Variants in GCM2 observed in about 807,000 individuals in gnomAD.
GCM2 encodes chorion-specific transcription factor GCMb.
GCM2 carries 21 observed loss-of-function variants against 24.8 expected under a neutral mutation model. The observed-to-expected ratio is 0.85, with a 90% CI of 0.60 to 1.22. GCM2 has a LOEUF of 1.22. Ranked by LOEUF, GCM2 falls within the 50% of genes most tolerant of loss-of-function variation. The pLI is 0.00. For synonymous variants in GCM2, 222 were observed against 238.0 expected, an observed-to-expected ratio of 0.93 and a Z score of 0.62; for missense variants, 532 against 645.6, an observed-to-expected ratio of 0.82 and a Z score of 1.91.
In GCM2 at chr6:10,874,496, G is replaced by A. The variant is rs1305037975; in HGVS notation, c.1020C>T (p.Pro340=). ...QHGWKPALGK[P]SLVERTNHGQ... ...CATGGTTAGTCCTTTCCACAAGGCT[G>A]GGTTTTCCAAGAGCTGGTTTCCAGC... The change falls in exon 5 of 5, where the codon CCC becomes CCT. Residue 340 remains proline (P), a synonymous_variant. Coordinates refer to ENST00000379491, the MANE Select transcript of GCM2 (RefSeq NM_004752.4). The A allele has an allele frequency of 1.2e-6, 2 of 1,614,090 alleles. No homozygotes were observed. The highest frequency in any genetic ancestry group is 2.7e-5 in the African/African-American group (2 of 74,942).
chr6:10,879,622 T>C (rs186160238), intron 1 of GCM2, among the ~76,000 whole-genome samples: 46 of 152,266 alleles, frequency 3.0e-4, no homozygotes, highest in Non-Finnish European at 2.8e-4. Context: ...GTCAGACAGG[T>C]AGTTTAACTT....
intron 1 of GCM2, among the ~76,000 whole-genome samples, chr6:10,880,797 A>C (rs1350905459): frequency 6.6e-6 from 1 of 152,198 alleles, no homozygotes; most frequent in Non-Finnish European, 1.5e-5. Context: ...TGTTGGCATG[A>C]CTATGGGGCC....
In GCM2 at chr6:10,881,551, GGTATGTGTGTGTGT is replaced by G. The variant is rs1270656395; in HGVS notation, c.90+139_90+152del. ...GCCTCAGAAACCCAGAAATTTTGCG[GGTATGTGTGTGTGT>G]GTGTGTGTGTGTGTGTGTGTGTGTG... On this transcript the variant is annotated intron_variant, in intron 1 of 4. Transcript: ENST00000379491. 7.5e-3 allele frequency among the ~76,000 whole-genome samples: 957 copies of G among 128,246 alleles called. 16 individuals carry two copies. Among genetic ancestry groups the G allele is most frequent in the East Asian group, 0.057 (251 of 4,392 alleles). The allele number at this position is 128,246 out of a possible 152,430, so 84.1% of individuals were successfully genotyped here.
At position 10,874,706 on chromosome 6, in the gene GCM2, C is replaced by T. The variant is rs773545638; in HGVS notation, c.810G>A (p.Arg270=). ...TTGCCAATTCATAGCTGCAAGGTGG[C>T]CTAGGCAAATAGATTCTTGGGCTTG... ...KYSSPRIYLP[R]PPCSYELANP... is the part of the protein sequence containing the mutation. The change falls in exon 5 of 5, where the codon AGG becomes AGA. Residue 270 remains arginine (R), a synonymous_variant. Coordinates refer to ENST00000379491, the MANE Select transcript of GCM2 (RefSeq NM_004752.4). 6.2e-7 allele frequency: 1 copy of T among 1,614,004 alleles called. No homozygotes were observed. Among genetic ancestry groups the T allele is most frequent in the South Asian group, 1.1e-5 (1 of 91,074 alleles).
At position 10,882,041 on chromosome 6, in the gene GCM2, C is replaced by G. The variant is rs9393733; in HGVS notation, c.-248G>C. ...ACGTTCTCCACCCGAACGGCAGCAT[C>G]GACCTCTGGCAGCTGCCCCCTCCTT... On this transcript the variant is annotated 5_prime_UTR_variant, in exon 1 of 5. Coordinates refer to ENST00000379491, the MANE Select transcript of GCM2 (RefSeq NM_004752.4). The G allele has an allele frequency of 0.21, 108,183 of 526,960 alleles. 12,079 individuals are homozygous for G. The highest frequency in any genetic ancestry group is 0.26 in the Middle Eastern group (482 of 1,884). The allele number at this position is 526,960 out of a possible 1,614,324, so 32.6% of individuals were successfully genotyped here.
intron 4 of GCM2, 139 bp from the exon 5 acceptor site, chr6:10,875,072 C>G (rs758528436): frequency 1.4e-6 from 1 of 716,248 alleles, no homozygotes; most frequent in Non-Finnish European, 2.5e-6. Flanking sequence ...TGCTCAGGTA[C>G]GTGATGTAAG....
rs771742289 is a variant in GCM2 at position 10,875,880 on chromosome 6, C to T, written c.582+11G>A. ...AGCTGAGACCACTGTGCACTATCAG[C>T]TCCCTGTTACCTCGGATTCTCGAAT... On this transcript the variant is annotated intron_variant, in intron 4 of 4. Transcript: ENST00000379491. The T allele has an allele frequency of 6.2e-7, 1 of 1,613,848 alleles. No homozygotes were observed. Among genetic ancestry groups the T allele is most frequent in the Admixed American group, 1.7e-5 (1 of 60,026 alleles).
rs189120531 is a variant in GCM2, at chr6:10,878,278, G to A, written c.91-886C>T. ...TTACACTGCAATAAATGTCACTTTT[G>A]CATATAAGTTTCATTGAAAAATCAC... On this transcript the variant is annotated intron_variant, in intron 1 of 4. Transcript: ENST00000379491. Among the ~76,000 whole-genome samples, 479 of 152,218 alleles carry A rather than the reference G, an allele frequency of 3.1e-3. 3 individuals are homozygous for A. The highest frequency in any genetic ancestry group is 6.8e-3 in the Middle Eastern group (2 of 292).
chr6:10,876,489 CG>C lies in GCM2; in HGVS notation c.411del (p.Val138Ter), dbSNP rs1779880840. On this transcript the variant is annotated frameshift_variant, in exon 3 of 5. Transcript: ENST00000379491. LOFTEE classifies it high-confidence loss of function. ...LIPCRGHSGYPVTNFWRLDGN... is the reference protein window; with the variant it reads ...LIPCRGHSGYXVTNFWRLDGN... ...CCATCAAGCCGCCAAAAGTTGGTTACGGGGTATCCGCTGTGCCCTCGACAAG... is the reference window on the plus strand; with the variant it reads ...CCATCAAGCCGCCAAAAGTTGGTTACGGGTATCCGCTGTGCCCTCGACAAG... 1 of 1,613,926 alleles carries C rather than the reference CG, an allele frequency of 6.2e-7. No homozygotes were observed. Among genetic ancestry groups the C allele is most frequent in the South Asian group, 1.1e-5 (1 of 91,074 alleles).
In GCM2 at chr6:10,874,153, G is replaced by A. The variant is rs774218255; in HGVS notation, c.1363C>T (p.Arg455Trp). ...PPPMKIAGDC[R>W]AIRPTVAIPH... ...ATAGCCACAGTGGGTCTGATGGCCCGGCAATCTCCTGCAATTTTCATAGGA... is the reference window on the plus strand; with the variant it reads ...ATAGCCACAGTGGGTCTGATGGCCCAGCAATCTCCTGCAATTTTCATAGGA... Residue 455 changes from arginine (R) to tryptophan (W), a missense_variant, in exon 5 of 5, where the codon CGG (arginine) becomes TGG (tryptophan). Physicochemically the swap from Arg to Trp is moderately radical, Grantham distance 101 (BLOSUM62 -3). Coordinates refer to ENST00000379491, the MANE Select transcript of GCM2 (RefSeq NM_004752.4). 1.3e-5 allele frequency: 21 copies of A among 1,614,024 alleles called. No individual in the cohort carries two copies. The highest frequency in any genetic ancestry group is 1.5e-5 in the Non-Finnish European group (18 of 1,180,016).
intron 4 of GCM2, 78 bp from the exon 5 acceptor site, chr6:10,875,011 T>TAAAACAGCCTAG: frequency 2.9e-6 from 3 of 1,017,404 alleles, no homozygotes; most frequent in South Asian, 2.6e-5. Context: ...AGCCTAGAAG[T>TAAAACAGCCTAG]AAGTAAAAAC....
chr6:10,876,655 C>T (rs1043104142), intron 2 of GCM2, 98 bp from the exon 3 acceptor site: 34 of 851,716 alleles, frequency 4.0e-5, no homozygotes, highest in East Asian at 1.3e-4. Context: ...CATGCTCGGG[C>T]GCGGTGGCTC....
In GCM2 at chr6:10,877,286, A is replaced by G. The variant is rs1432205955; in HGVS notation, c.197T>C (p.Met66Thr). The change falls in exon 2 of 5, where the codon ATG (methionine) becomes ACG (threonine). Residue 66 changes from methionine (M) to threonine (T), a missense_variant. Around this residue, in one of 3 missense-constraint regions of GCM2, gnomAD observed 96 missense variants for 103.5 expected, o/e 0.93. Transcript: ENST00000379491. Reference sequence around the variant, plus strand: ...GCCATTGTGGTTGTTGGTGTTGCGCATGGCCCAGCCGCTCAGGTGACGCTG... The same window carrying G: ...GCCATTGTGGTTGTTGGTGTTGCGCGTGGCCCAGCCGCTCAGGTGACGCTG... ...KAQRHLSGWA[M>T]RNTNNHNGHI... 2 of 1,614,188 alleles carry G rather than the reference A, an allele frequency of 1.2e-6. No individual in the cohort carries two copies. Among genetic ancestry groups the G allele is most frequent in the East Asian group, 2.2e-5 (1 of 44,872 alleles).
chr6:10,876,588 C>T, intron 2 of GCM2, 31 bp from the exon 3 acceptor site: 1 of 1,387,590 alleles, frequency 7.2e-7, no homozygotes. Context: ...AAATATTAAC[C>T]CTGACCCCAG....
rs1365130152 is a variant in GCM2, at chr6:10,881,962, T to C, written c.-169A>G. ...AGAGGCTGTTTAGATATCTGGAAGC[T>C]GGGGACAATGGTTATGGACCCGGGC... On this transcript the variant is annotated 5_prime_UTR_variant, in exon 1 of 5. Transcript: ENST00000379491. 1.5e-6 allele frequency: 1 copy of C among 659,712 alleles called. No individual in the cohort carries two copies. Among genetic ancestry groups the C allele is most frequent in the East Asian group, 2.8e-5 (1 of 36,204 alleles). 40.9% of individuals were successfully genotyped at this position (659,712 alleles called of 1,614,324 possible).
In GCM2 at chr6:10,876,026, C is replaced by A. The variant is rs369032326; in HGVS notation, c.457-10G>T. The A allele has an allele frequency of 6.2e-7, 1 of 1,613,912 alleles. No homozygotes were observed. The highest frequency in any genetic ancestry group is 8.5e-7 in the Non-Finnish European group (1 of 1,179,904). On this transcript the variant is annotated splice_polypyrimidine_tract_variant and intron_variant, in intron 3 of 4. Transcript: ENST00000379491. Reference sequence around the variant, plus strand: ...CATGAACTCCCTTGGCCTGCGATAACGAGAAAATGAATCATACATTTGTGC... The same window carrying A: ...CATGAACTCCCTTGGCCTGCGATAAAGAGAAAATGAATCATACATTTGTGC...
chr6:10,875,743 T>C (rs932277463), intron 4 of GCM2, 148 bp downstream of exon 4: 47 of 807,334 alleles, frequency 5.8e-5, no homozygotes, highest in Non-Finnish European at 8.4e-5. Flanking sequence ...CAAATGTTGA[T>C]TTAATGATAT....
At chr6:10,878,124 C>G (rs1459313659) in intron 1 of GCM2, among the ~76,000 whole-genome samples, 1 of 152,072 alleles carries the variant, frequency 6.6e-6, no homozygotes, top group Non-Finnish European at 1.5e-5. Context: ...GGACTGCTCC[C>G]CAGAGCAATA....
At position 10,874,237 on chromosome 6, in the gene GCM2, G is replaced by C. The variant is rs749101028; in HGVS notation, c.1279C>G (p.Pro427Ala). ...GTCACCGGAGGACCCCAGGGTTCTGGATAGACAGACATCCCAGTATCTTCA... is the reference window on the plus strand; with the variant it reads ...GTCACCGGAGGACCCCAGGGTTCTGCATAGACAGACATCCCAGTATCTTCA... The part of the protein sequence containing the change: ...APEDTGMSVY[P>A]EPWGPPVTVT... The change falls in exon 5 of 5, where the codon CCA (proline) becomes GCA (alanine). Residue 427 changes from proline (P) to alanine (A), a missense_variant. Pro to Ala is a conservative substitution (Grantham distance 27). Around this residue, in one of 3 missense-constraint regions of GCM2, gnomAD observed 434 missense variants for 521.9 expected, o/e 0.83. Coordinates refer to ENST00000379491, the MANE Select transcript of GCM2 (RefSeq NM_004752.4). 8 of 1,614,158 alleles carry C rather than the reference G, an allele frequency of 5.0e-6. No homozygotes were observed. The highest frequency in any genetic ancestry group is 1.1e-5 in the South Asian group (1 of 91,082).
Sources: allele counts gnomAD v4.1 joint callset (sites outside exome capture counted in the v4.1 genomes callset), GRCh38; gene constraint gnomAD v4.1.1; regional missense constraint gnomAD v4.1.1; transcripts MANE v1.5; gene names NCBI Gene and HGNC (gene_info 2026-07-23, HGNC 2026-07-21).